KLHL20: variants seen among roughly 807,000 people sequenced by gnomAD.
The protein encoded by KLHL20 is kelch-like protein 20.
In KLHL20, 29 loss-of-function variants were observed where a neutral mutation model predicts 69.5. The observed-to-expected ratio is 0.42, with a 90% CI of 0.31 to 0.57. KLHL20 has a LOEUF of 0.57. Ranked by LOEUF, KLHL20 falls within the 20% of genes least tolerant of loss-of-function variation. The pLI is 0.18. For missense variants in KLHL20, 419 were observed against 776.0 expected (o/e 0.54, Z 5.47); for synonymous variants, 253 against 265.2 (o/e 0.95, Z 0.45).
At chr1:173,741,855 A>G in intron 3 of KLHL20, 2 of 1,586,448 alleles carry the variant, frequency 1.3e-6, no homozygotes. Flanking sequence ...TGGCTGCTCC[A>G]CTGTCCTCTG....
intron 2 of KLHL20, among the ~76,000 whole-genome samples, chr1:173,722,707 A>G (rs1438412616): frequency 7.0e-6 from 1 of 143,504 alleles, no homozygotes; most frequent in Non-Finnish European, 1.5e-5. Context: ...TTTTTTTGAC[A>G]TAGAGTTTCG....
Position 173,715,952 on chromosome 1 carries a change from G to A in KLHL20, c.-41-51G>A, listed in dbSNP as rs1341922435. The A allele has an allele frequency of 7.7e-6, 10 of 1,292,746 alleles. No homozygotes were observed. The East Asian group carries it at 1.6e-4, about 21-fold the overall frequency. 80.1% of individuals were successfully genotyped at this position (1,292,746 alleles called of 1,614,324 possible). Reference sequence around the variant, plus strand: ...AAATGATTATATAAAGATTGTTACTGTAAAGATCAGAAATAGCTTTTATTA... The same window carrying A: ...AAATGATTATATAAAGATTGTTACTATAAAGATCAGAAATAGCTTTTATTA... On this transcript the variant is annotated intron_variant, in intron 1 of 11. Transcript: ENST00000209884.
At chr1:173,740,222 C>T (rs530762232) in intron 3 of KLHL20, among the ~76,000 whole-genome samples, 23 of 150,244 alleles carry the variant, frequency 1.5e-4, no homozygotes, top group South Asian at 1.5e-3. Flanking sequence ...TCTGGGTTCA[C>T]GCCATTCTCC....
rs780778746 is a variant in KLHL20, at chr1:173,736,973, A to AT, written c.597+2689dup. ...ACATTGTGGTTTTGATTTGCTGATC[A>AT]TTAGTGATGTTGAGCATTTTTTCAT... is the stretch of plus-strand genomic sequence containing the variant. On this transcript the variant is annotated intron_variant, in intron 3 of 11. Transcript: ENST00000209884. Among the ~76,000 whole-genome samples the AT allele has an allele frequency of 1.1e-4, 17 of 152,260 alleles. No homozygotes were observed. In the East Asian group the frequency reaches 1.2e-3, roughly 10 times the overall value.
chr1:173,767,508 G>A lies in KLHL20; in HGVS notation c.1295+1219G>A, dbSNP rs553807112. Among the ~76,000 whole-genome samples the A allele has an allele frequency of 9.9e-5, 15 of 152,244 alleles. No individual in the cohort carries two copies. In the South Asian group the frequency reaches 2.9e-3, roughly 29 times the overall value. ...ATACTAGTTTACATTCTCATCAATG[G>A]TATGCAGGGGTTTCCTTTTCTCCAT... is the stretch of plus-strand genomic sequence containing the variant. On this transcript the variant is annotated intron_variant, in intron 8 of 11. Coordinates refer to ENST00000209884, the MANE Select transcript of KLHL20 (RefSeq NM_014458.4).
rs1316522060 is a variant in KLHL20, at chr1:173,775,794, A to C, written c.1590A>C (p.Arg530Ser). The change falls in exon 10 of 12, where the codon AGA (arginine) becomes AGC (serine). Residue 530 changes from arginine to serine, a missense_variant. Arg to Ser is a moderately radical substitution (Grantham distance 110). Coordinates refer to ENST00000209884, the MANE Select transcript of KLHL20 (RefSeq NM_014458.4). Reference sequence around the variant, plus strand: ...GCAGTGCTGAGAGATACAACCCCAGAACCAACCAGTGGTCTCCAGTGGTGG... The same window carrying C: ...GCAGTGCTGAGAGATACAACCCCAGCACCAACCAGTGGTCTCCAGTGGTGG... ...ELSSAERYNP[R>S]TNQWSPVVAM... The C allele has an allele frequency of 1.9e-6, 3 of 1,614,196 alleles. No homozygotes were observed. Among genetic ancestry groups the C allele is most frequent in the Non-Finnish European group, 2.5e-6 (3 of 1,180,032 alleles).
At chr1:173,727,821 G>A (rs1672052101) in intron 2 of KLHL20, among the ~76,000 whole-genome samples, 2 of 152,032 alleles carry the variant, frequency 1.3e-5, no homozygotes, top group Admixed American at 6.6e-5. Flanking sequence ...TACCATCAAG[G>A]CTAGGAAGAA....
chr1:173,778,365 G>C (rs1648622121), intron 10 of KLHL20, among the ~76,000 whole-genome samples: 1 of 152,020 alleles, frequency 6.6e-6, no homozygotes, highest in African/African-American at 2.4e-5. Flanking sequence ...GTCTGGCTCT[G>C]TCACCAAGGT....
At chr1:173,732,928 A>G (rs1252388406) in intron 2 of KLHL20, among the ~76,000 whole-genome samples, 1 of 152,134 alleles carries the variant, frequency 6.6e-6, no homozygotes, top group Admixed American at 6.5e-5. Flanking sequence ...GAGTCCTGCT[A>G]AATCATCATT....
intron 9 of KLHL20, among the ~76,000 whole-genome samples, 155 bp from the exon 10 acceptor site, chr1:173,775,479 G>A (rs995508596): frequency 2.0e-5 from 3 of 152,200 alleles, no homozygotes; most frequent in Non-Finnish European, 4.4e-5. Flanking sequence ...AGTATATGTA[G>A]TATTGTCCAG....
At chr1:173,746,894 AT>A (rs1173410871) in intron 3 of KLHL20, among the ~76,000 whole-genome samples, 1 of 151,776 alleles carries the variant, frequency 6.6e-6, no homozygotes, top group Non-Finnish European at 1.5e-5. Context: ...GTTTTAATAT[AT>A]TTAATTGATT....
intron 10 of KLHL20, among the ~76,000 whole-genome samples, chr1:173,780,010 CA>C (rs1228379517): frequency 6.6e-6 from 1 of 152,156 alleles, no homozygotes; most frequent in Non-Finnish European, 1.5e-5. Flanking sequence ...CTGATCATGT[CA>C]GGAGTTCATC....
chr1:173,775,963 A>C (rs1648438078), intron 10 of KLHL20, 121 bp downstream of exon 10: 1 of 769,638 alleles, frequency 1.3e-6, no homozygotes, highest in African/African-American at 1.8e-5. Flanking sequence ...GTATATACCT[A>C]GCAGTAAGAT....
rs762152893 is a variant in KLHL20, at chr1:173,775,725, C to A, written c.1521C>A (p.Asp507Glu). The A allele has an allele frequency of 3.1e-6, 5 of 1,614,174 alleles. No individual in the cohort carries two copies. In the South Asian group the frequency reaches 5.5e-5, roughly 18 times the overall value. ...RKHLGCAVYQ[D>E]MIYAVGGRDD... is the part of the protein sequence containing the mutation. The stretch of plus-strand genomic sequence containing the variant: ...ACCTAGGCTGTGCAGTATATCAGGA[C>A]ATGATCTATGCTGTAGGAGGTAGAG... Residue 507 changes from aspartate (D) to glutamate (E), a missense_variant, in exon 10 of 12, where the codon GAC becomes GAA. Coordinates refer to ENST00000209884, the MANE Select transcript of KLHL20 (RefSeq NM_014458.4).
At chr1:173,750,488 CT>C (rs61411580) in intron 3 of KLHL20, among the ~76,000 whole-genome samples, 44,447 of 139,826 alleles carry the variant, frequency 0.32, 6,889 homozygotes, top group Middle Eastern at 0.45. Context: ...TTTTCTTTTT[CT>C]TTTTTTTTTT....
At chr1:173,779,024 T>C (rs1648672553) in intron 10 of KLHL20, among the ~76,000 whole-genome samples, 1 of 152,140 alleles carries the variant, frequency 6.6e-6, no homozygotes, top group Non-Finnish European at 1.5e-5. Flanking sequence ...TTCTTTAAGA[T>C]GCATTGTTAT....
chr1:173,719,507 C>T (rs1209082959), intron 2 of KLHL20, among the ~76,000 whole-genome samples: 2 of 151,640 alleles, frequency 1.3e-5, no homozygotes, highest in African/African-American at 2.4e-5. Context: ...GCTACAGTGC[C>T]AGTCAGGAGG....
chr1:173,753,104 T>C lies in KLHL20; in HGVS notation c.757-109T>C, dbSNP rs545855224. 3.7e-4 allele frequency: 301 copies of C among 804,772 alleles called. 6 individuals are homozygous for C. In the South Asian group the frequency reaches 4.6e-3, roughly 12 times the overall value. The allele number at this position is 804,772 out of a possible 1,614,324, so 49.9% of individuals were successfully genotyped here. A position where few individuals can be genotyped will look rare whatever the true frequency, so the allele number is the denominator to read the frequency against. Reference sequence around the variant, plus strand: ...AGGCACATCACTTGAGCCCAGGAGATTGAGGCTGCAGTGACCTACGATCAT... The same window carrying C: ...AGGCACATCACTTGAGCCCAGGAGACTGAGGCTGCAGTGACCTACGATCAT... On this transcript the variant is annotated intron_variant, in intron 4 of 11. Coordinates refer to ENST00000209884, the MANE Select transcript of KLHL20 (RefSeq NM_014458.4).
Position 173,751,548 on chromosome 1 carries a change from A to T in KLHL20, c.598-216A>T, listed in dbSNP as rs571431592. Among the ~76,000 whole-genome samples the T allele has an allele frequency of 4.6e-5, 7 of 152,226 alleles. No homozygotes were observed. In the East Asian group the frequency reaches 9.6e-4, roughly 21 times the overall value. On this transcript the variant is annotated intron_variant, in intron 3 of 11. Transcript: ENST00000209884. ...TTTTATTTTTTAAGTCATTTTTCTTAAATTGCTTGACTCACAAATGATTAT... is the reference window on the plus strand; with the variant it reads ...TTTTATTTTTTAAGTCATTTTTCTTTAATTGCTTGACTCACAAATGATTAT...
Sources: gnomAD v4.1 joint callset for allele counts (sites outside exome capture counted in the v4.1 genomes callset) on GRCh38, gnomAD v4.1.1 for gene constraint, MANE v1.5 for transcripts, NCBI Gene and HGNC (gene_info 2026-07-23, HGNC 2026-07-21) for gene names.